The following HS6ST2 variants were observed in gnomAD, a reference collection of about 807,000 sequenced individuals.
HS6ST2 encodes heparan sulfate 6-O-sulfotransferase 2.
HS6ST2 carries 17 observed loss-of-function variants against 33.0 expected under a neutral mutation model. That is an observed-to-expected ratio of 0.52 (90% CI 0.35 to 0.77). The LOEUF is 0.77. HS6ST2 is among the 30% of genes least tolerant of loss of function. The pLI is 0.01. For synonymous variants in HS6ST2, 248 were observed against 237.1 expected (o/e 1.05, Z -0.42); for missense variants, 519 against 551.7 (o/e 0.94, Z 0.59).
chrX:132,921,559 T>A (rs942598053), intron 2 of HS6ST2, among the ~76,000 whole-genome samples: 12 of 111,814 alleles, frequency 1.1e-4, no homozygotes, highest in African/African-American at 3.9e-4. Context: ...AAAGACATAG[T>A]CTCCCATCTG....
intron 2 of HS6ST2, among the ~76,000 whole-genome samples, chrX:132,830,299 C>T (rs936072207): frequency 1.8e-5 from 2 of 111,813 alleles, no homozygotes; most frequent in African/African-American, 3.3e-5. Flanking sequence ...AATGATAAAA[C>T]GCAAACCTAA....
intron 2 of HS6ST2, among the ~76,000 whole-genome samples, chrX:132,935,029 T>C (rs1444479144): frequency 8.9e-6 from 1 of 111,811 alleles, no homozygotes; most frequent in Non-Finnish European, 1.9e-5. Flanking sequence ...AGTTTTATAA[T>C]GATAAAGAAA....
At chrX:132,864,049 C>A (rs1373692410) in intron 2 of HS6ST2, among the ~76,000 whole-genome samples, 1 of 110,809 alleles carries the variant, frequency 9.0e-6, no homozygotes, top group African/African-American at 3.3e-5. Flanking sequence ...AAAAGAATAG[C>A]ATCAACATCA....
intron 2 of HS6ST2, among the ~76,000 whole-genome samples, chrX:132,906,688 T>C (rs1314733431): frequency 9.0e-6 from 1 of 110,824 alleles, no homozygotes; most frequent in Non-Finnish European, 1.9e-5. Context: ...GATTTTTTTT[T>C]CTTTTTGTTT....
intron 2 of HS6ST2, among the ~76,000 whole-genome samples, chrX:132,913,766 G>T (rs2066557275): frequency 1.8e-5 from 2 of 112,128 alleles, no homozygotes; most frequent in Admixed American, 1.9e-4. Flanking sequence ...CCCTTAGGTG[G>T]CATCTTCCAC....
In HS6ST2 at chrX:132,909,030, G is replaced by C. The variant is rs1276146109; in HGVS notation, c.947+47778C>G. On this transcript the variant is annotated intron_variant, in intron 2 of 4. Coordinates refer to ENST00000370833, the MANE Select transcript of HS6ST2 (RefSeq NM_001394073.1). Reference sequence around the variant, plus strand: ...AAAAAAAAAACCAACTCCACTGGAAGCCCAGGTTTGGGATTAGGCACTTAC... The same window carrying C: ...AAAAAAAAAACCAACTCCACTGGAACCCCAGGTTTGGGATTAGGCACTTAC... Among the ~76,000 whole-genome samples the C allele has an allele frequency of 1.7e-4, 17 of 100,848 alleles. No individual in the cohort carries two copies. In the Admixed American group the frequency reaches 1.8e-3, roughly 10 times the overall value. 87.6% of individuals were successfully genotyped at this position (100,848 alleles called of 115,157 possible). A position where few individuals can be genotyped will look rare whatever the true frequency, so the allele number is the denominator to read the frequency against.
chrX:132,901,048 G>A (rs1019595330), intron 2 of HS6ST2, among the ~76,000 whole-genome samples: 1 of 112,266 alleles, frequency 8.9e-6, no homozygotes, highest in Admixed American at 9.5e-5. Flanking sequence ...CCAGCTGACA[G>A]TCAGTGATGA....
chrX:132,770,861 G>A (rs777608006), intron 2 of HS6ST2, among the ~76,000 whole-genome samples: 1 of 110,771 alleles, frequency 9.0e-6, no homozygotes, highest in South Asian at 3.9e-4. Context: ...TGTTCAAAAT[G>A]GAATTAATTA....
chrX:132,729,268 AAT>A (rs2064431440), intron 2 of HS6ST2, among the ~76,000 whole-genome samples: 1 of 112,237 alleles, frequency 8.9e-6, no homozygotes, highest in Admixed American at 9.4e-5. Context: ...TTTCAAATAA[AAT>A]CTTCCAGGAT....
At chrX:132,852,072 T>C (rs903416010) in intron 2 of HS6ST2, among the ~76,000 whole-genome samples, 1 of 110,631 alleles carries the variant, frequency 9.0e-6, no homozygotes, top group Admixed American at 9.6e-5. Flanking sequence ...AGCCCAGGAG[T>C]TCAAGGCTGC....
At chrX:132,771,607 G>A (rs2064901269) in intron 2 of HS6ST2, among the ~76,000 whole-genome samples, 1 of 111,692 alleles carries the variant, frequency 9.0e-6, no homozygotes, top group South Asian at 3.8e-4. Flanking sequence ...AGAAGGAAAT[G>A]GGGAAGCACA....
chrX:132,688,820 C>T (rs1053975616), intron 3 of HS6ST2, among the ~76,000 whole-genome samples: 6 of 112,059 alleles, frequency 5.4e-5, no homozygotes, highest in Admixed American at 2.8e-4. Flanking sequence ...GCCCTTGGTC[C>T]TCTTAGCTAG....
intron 2 of HS6ST2, among the ~76,000 whole-genome samples, chrX:132,803,759 G>A (rs1325386343): frequency 1.8e-5 from 2 of 112,028 alleles, no homozygotes; most frequent in Non-Finnish European, 3.8e-5. Context: ...GCCAGCTGCT[G>A]TCTTGGGTAA....
chrX:132,941,967 CA>C (rs2066892213), intron 2 of HS6ST2, among the ~76,000 whole-genome samples: 1 of 111,747 alleles, frequency 8.9e-6, no homozygotes, highest in Non-Finnish European at 1.9e-5. Context: ...GATTATCTTT[CA>C]TAAATCTTAT....
At chrX:132,668,064 GAA>G (rs2063823227) in intron 4 of HS6ST2, among the ~76,000 whole-genome samples, 1 of 111,420 alleles carries the variant, frequency 9.0e-6, no homozygotes, top group Non-Finnish European at 1.9e-5. Flanking sequence ...GGAAAAGAAG[GAA>G]AAAAAGGCAG....
At chrX:132,921,360 T>C (rs147493688) in intron 2 of HS6ST2, among the ~76,000 whole-genome samples, 277 of 112,276 alleles carry the variant, frequency 2.5e-3, no homozygotes, top group African/African-American at 8.1e-3. Flanking sequence ...CATAGTTAAG[T>C]TTGAAAAGTG....
intron 2 of HS6ST2, among the ~76,000 whole-genome samples, chrX:132,780,384 C>T (rs1244135365): frequency 9.0e-6 from 1 of 111,023 alleles, no homozygotes; most frequent in Non-Finnish European, 1.9e-5. Flanking sequence ...ATAATAGCTA[C>T]CATTTATAGA....
intron 2 of HS6ST2, among the ~76,000 whole-genome samples, chrX:132,811,511 T>C (rs1267687709): frequency 9.4e-6 from 1 of 106,199 alleles, no homozygotes; most frequent in East Asian, 3.0e-4. Context: ...CAACCTCTAC[T>C]CTCTGGCTCT....
At chrX:132,790,978 C>T (rs763872908) in intron 2 of HS6ST2, among the ~76,000 whole-genome samples, 1 of 110,330 alleles carries the variant, frequency 9.1e-6, no homozygotes, top group East Asian at 2.8e-4. Context: ...GAGATCCCGT[C>T]TCTACATTTT....
Sources: gnomAD v4.1 joint callset for allele counts (sites outside exome capture counted in the v4.1 genomes callset) on GRCh38, gnomAD v4.1.1 for gene constraint, MANE v1.5 for transcripts, NCBI Gene and HGNC (gene_info 2026-07-23, HGNC 2026-07-21) for gene names.